The following SWT1 variants were observed in gnomAD, a reference collection of about 807,000 sequenced individuals.
The protein encoded by SWT1 is SWT1 RNA endoribonuclease homolog, also known as transcriptional protein SWT1.
SWT1 carries 33 observed loss-of-function variants against 107.3 expected under a neutral mutation model. That is an observed-to-expected ratio of 0.31 (90% CI 0.23 to 0.41). The LOEUF is 0.41. Ranked by LOEUF, SWT1 falls within the 10% of genes least tolerant of loss-of-function variation. The pLI, the probability that SWT1 is intolerant of heterozygous loss-of-function variation, is 1.00. For missense variants in SWT1, 898 were observed against 1,028.9 expected (o/e 0.87, Z 1.74); for synonymous variants, 345 against 348.3 (o/e 0.99, Z 0.11).
intron 15 of SWT1, among the ~76,000 whole-genome samples, chr1:185,222,708 T>C (rs1571545639): frequency 7.5e-6 from 1 of 132,572 alleles, no homozygotes; most frequent in South Asian, 2.3e-4. Flanking sequence ...GAGGTTGCGG[T>C]GAACTGACTG....
chr1:185,260,617 A>G (rs1662953266), intron 16 of SWT1, among the ~76,000 whole-genome samples: 1 of 152,112 alleles, frequency 6.6e-6, no homozygotes, highest in Non-Finnish European at 1.5e-5. Context: ...CAAATGTTAG[A>G]TAGTAGGCTA....
intron 7 of SWT1, among the ~76,000 whole-genome samples, chr1:185,183,237 C>T (rs548551086): frequency 6.6e-6 from 1 of 151,762 alleles, no homozygotes; most frequent in South Asian, 2.1e-4. Context: ...TGGTCCTATG[C>T]AATAACAATG....
intron 13 of SWT1, among the ~76,000 whole-genome samples, chr1:185,211,445 G>A (rs1050086559): frequency 9.9e-5 from 15 of 152,174 alleles, no homozygotes; most frequent in South Asian, 2.1e-4. Flanking sequence ...TTTAAGGAAC[G>A]GCACTTTCCT....
rs1308231460 is a variant in SWT1, at chr1:185,184,918, A to C, written c.1416A>C (p.Ala472=). 5.4e-6 allele frequency: 8 copies of C among 1,470,776 alleles called. No individual in the cohort carries two copies. The highest frequency in any genetic ancestry group is 4.4e-5 in the South Asian group (3 of 67,720). 91.1% of individuals were successfully genotyped at this position (1,470,776 alleles called of 1,614,324 possible). A position where few individuals can be genotyped will look rare whatever the true frequency, so the allele number is the denominator to read the frequency against. ...TATGGGGTCAGTCAATACAACTTGC[A>C]TCCCAAAAACATTGTAAGTATTGTT... The part of the protein sequence containing the change: ...RKLWGQSIQL[A]SQKHYGLSDE... Residue 472 remains alanine (A), a synonymous_variant, in exon 9 of 19, where the codon GCA becomes GCC. Coordinates refer to ENST00000367500, the MANE Select transcript of SWT1 (RefSeq NM_017673.7).
Position 185,291,013 on chromosome 1 carries a change from T to C in SWT1, c.*210T>C. 1 of 312,434 alleles carries C rather than the reference T, an allele frequency of 3.2e-6. No homozygotes were observed. The highest frequency in any genetic ancestry group is 5.9e-6 in the Non-Finnish European group (1 of 169,402). 19.4% of individuals were successfully genotyped at this position (312,434 alleles called of 1,614,324 possible). On this transcript the variant is annotated 3_prime_UTR_variant, in exon 19 of 19. Transcript: ENST00000367500. ...GGAATAAACTCCATAGACTCAACTC[T>C]TCTGGAGTTCACAATGCCTCCCTAC...
chr1:185,185,960 A>G (rs909381834), intron 9 of SWT1, among the ~76,000 whole-genome samples: 3 of 152,166 alleles, frequency 2.0e-5, no homozygotes, highest in African/African-American at 7.2e-5. Flanking sequence ...TTGCAAAATT[A>G]TATTTATTTG....
intron 17 of SWT1, among the ~76,000 whole-genome samples, chr1:185,272,359 G>A (rs1032636424): frequency 3.3e-5 from 5 of 152,154 alleles, no homozygotes; most frequent in African/African-American, 1.2e-4. Flanking sequence ...AATTTTGTGT[G>A]TATATGTGTT....
At chr1:185,159,047 CTGTT>C (rs1215257496) in intron 1 of SWT1, among the ~76,000 whole-genome samples, 11 of 152,178 alleles carry the variant, frequency 7.2e-5, no homozygotes, top group African/African-American at 2.4e-4. Flanking sequence ...TTTCCATGGG[CTGTT>C]TGAGTGTCCT....
At chr1:185,280,555 G>GT (rs554671807) in intron 18 of SWT1, among the ~76,000 whole-genome samples, 169 of 152,206 alleles carry the variant, frequency 1.1e-3, no homozygotes, top group African/African-American at 3.7e-3. Flanking sequence ...GGCAACTCTT[G>GT]GTGGGCTCCT....
At chr1:185,166,785 C>A in intron 3 of SWT1, 133 bp downstream of exon 3, 1 of 603,222 alleles carries the variant, frequency 1.7e-6, no homozygotes, top group Non-Finnish European at 2.9e-6. Context: ...CTTCTACTCA[C>A]CAAACCATTT....
At chr1:185,236,966 A>G (rs944687003) in intron 16 of SWT1, among the ~76,000 whole-genome samples, 1 of 152,278 alleles carries the variant, frequency 6.6e-6, no homozygotes, top group Non-Finnish European at 1.5e-5. Flanking sequence ...AAAGCTCATC[A>G]TCACTAGTCA....
At chr1:185,164,914 T>C (rs1654448216) in intron 2 of SWT1, among the ~76,000 whole-genome samples, 1 of 152,246 alleles carries the variant, frequency 6.6e-6, no homozygotes, top group Admixed American at 6.5e-5. Context: ...TCTTAATTGT[T>C]TGGCACAAGA....
At chr1:185,188,720 A>G (rs1656700835) in intron 9 of SWT1, among the ~76,000 whole-genome samples, 1 of 152,214 alleles carries the variant, frequency 6.6e-6, no homozygotes, top group South Asian at 2.1e-4. Context: ...GTTGAGAGAA[A>G]AATGATTATA....
At chr1:185,241,106 C>T (rs571864494) in intron 16 of SWT1, among the ~76,000 whole-genome samples, 9 of 152,206 alleles carry the variant, frequency 5.9e-5, no homozygotes, top group South Asian at 2.1e-4. Flanking sequence ...CTTTACTTTA[C>T]ACAAAGATAA....
At chr1:185,221,452 T>TA (rs1230669602) in intron 14 of SWT1, among the ~76,000 whole-genome samples, 2 of 152,124 alleles carry the variant, frequency 1.3e-5, no homozygotes, top group East Asian at 3.9e-4. Context: ...ATTTTTTTTT[T>TA]AAACAACACT....
At chr1:185,180,765 A>C (rs1201624568) in intron 6 of SWT1, among the ~76,000 whole-genome samples, 1 of 152,238 alleles carries the variant, frequency 6.6e-6, no homozygotes, top group Non-Finnish European at 1.5e-5. Context: ...GCCAAAATGC[A>C]GTAGGACATT....
chr1:185,172,616 G>A (rs1347226650), intron 4 of SWT1, among the ~76,000 whole-genome samples: 1 of 152,008 alleles, frequency 6.6e-6, no homozygotes, highest in Admixed American at 6.5e-5. Context: ...CATTTTTAGA[G>A]TTTTTAATTT....
At position 185,184,295 on chromosome 1, in the gene SWT1, G is replaced by A; in HGVS notation, c.1191G>A (p.Leu397=). 1.9e-6 allele frequency: 3 copies of A among 1,576,940 alleles called. No individual in the cohort carries two copies. The highest frequency in any genetic ancestry group is 2.6e-6 in the Non-Finnish European group (3 of 1,157,128). ...TAATTGTTATTGACACAAATATTCT[G>A]ATGAATCATCTCAAATTTGTTAGAA... ...KLLIVIDTNI[L]MNHLKFVRIL... is the part of the protein sequence containing the mutation. The change falls in exon 8 of 19, where the codon CTG becomes CTA. Residue 397 remains leucine (L), a synonymous_variant. Transcript: ENST00000367500.
intron 18 of SWT1, among the ~76,000 whole-genome samples, chr1:185,279,527 A>C (rs1571701236): frequency 6.6e-6 from 1 of 152,088 alleles, no homozygotes; most frequent in East Asian, 1.9e-4. Context: ...AATATATTTA[A>C]TATGTTGCAG....
Sources: allele counts gnomAD v4.1 joint callset (sites outside exome capture counted in the v4.1 genomes callset), GRCh38; gene constraint gnomAD v4.1.1; transcripts MANE v1.5; gene names NCBI Gene and HGNC (gene_info 2026-07-23, HGNC 2026-07-21).